PRXL2C: variants seen among roughly 807,000 people sequenced by gnomAD.
PRXL2C encodes the protein peroxiredoxin-like 2C.
In PRXL2C, 38 loss-of-function variants were observed where a neutral mutation model predicts 24.9. That is an observed-to-expected ratio of 1.53 (90% CI 1.18 to 2.00). The LOEUF is 2.00. PRXL2C is among the 30% of genes most tolerant of loss of function. PRXL2C has a pLI of 0.00. For synonymous variants in PRXL2C, 98 were observed against 117.2 expected (o/e 0.84, Z 1.06); for missense variants, 294 against 290.9 (o/e 1.01, Z -0.08).
intron 4 of PRXL2C, among the ~76,000 whole-genome samples, chr9:96,650,640 G>A (rs1428354193): frequency 6.6e-6 from 1 of 152,122 alleles, no homozygotes; most frequent in Admixed American, 6.6e-5. Flanking sequence ...AATTAAAGGA[G>A]ATGGGATATT....
At chr9:96,643,176 T>C (rs1588099628) in intron 5 of PRXL2C, among the ~76,000 whole-genome samples, 2 of 152,298 alleles carry the variant, frequency 1.3e-5, no homozygotes, top group African/African-American at 4.8e-5. Context: ...CAATCCGCCA[T>C]GGATGCTGAG....
intron 5 of PRXL2C, among the ~76,000 whole-genome samples, chr9:96,644,776 G>A (rs1239107825): frequency 1.3e-5 from 2 of 151,322 alleles, no homozygotes; most frequent in Non-Finnish European, 1.5e-5. Context: ...CACCATGCCC[G>A]GCCTCAATCC....
intron 5 of PRXL2C, among the ~76,000 whole-genome samples, chr9:96,642,829 C>T (rs1439725205): frequency 6.6e-6 from 1 of 152,140 alleles, no homozygotes; most frequent in East Asian, 1.9e-4. Flanking sequence ...AGGTGTAAGC[C>T]ACTGCACCCG....
rs142880773 is a variant in PRXL2C, at chr9:96,641,781, C to T, written c.659G>A (p.Arg220Lys). The change falls in exon 6 of 6, where the codon AGA (arginine) becomes AAA (lysine). Residue 220 changes from arginine (R) to lysine (K), a missense_variant. Physicochemically the swap from Arg to Lys is conservative, Grantham distance 26. Transcript: ENST00000375234. Reference sequence around the variant, plus strand: ...AAGTCACACATGGATAACTGAAGGTCTGTTTGTAAAGTTCACATGCTGAAC... The same window carrying T: ...AAGTCACACATGGATAACTGAAGGTTTGTTTGTAAAGTTCACATGCTGAAC... ...VGVQHVNFTN[R>K]PSVIHV The T allele has an allele frequency of 9.5e-6, 15 of 1,575,874 alleles. No homozygotes were observed. The highest frequency in any genetic ancestry group is 1.3e-5 in the African/African-American group (1 of 74,364).
intron 1 of PRXL2C, 130 bp from the exon 2 acceptor site, chr9:96,654,903 C>T: frequency 8.3e-7 from 1 of 1,198,262 alleles, no homozygotes; most frequent in Non-Finnish European, 1.1e-6. Flanking sequence ...GCGGCTCGGG[C>T]GCCCGGCGCG....
chr9:96,652,830 G>C (rs1017513575), intron 2 of PRXL2C, among the ~76,000 whole-genome samples: 1 of 152,234 alleles, frequency 6.6e-6, no homozygotes, highest in South Asian at 2.1e-4. Context: ...AATGAAATCA[G>C]TATGTTGAAG....
chr9:96,648,549 G>C (rs1409663180), intron 4 of PRXL2C, among the ~76,000 whole-genome samples: 2 of 151,316 alleles, frequency 1.3e-5, no homozygotes, highest in Non-Finnish European at 2.9e-5. Context: ...TTTTTTTTAG[G>C]GAGAAACCTC....
chr9:96,650,612 G>A (rs1848253388), intron 4 of PRXL2C, among the ~76,000 whole-genome samples: 1 of 152,046 alleles, frequency 6.6e-6, no homozygotes. Context: ...GATTTCAAAC[G>A]ATAAGTGGGA....
intron 1 of PRXL2C, 129 bp from the exon 2 acceptor site, chr9:96,654,902 G>A: frequency 8.4e-7 from 1 of 1,192,154 alleles, no homozygotes; most frequent in Non-Finnish European, 1.1e-6. Context: ...GGCGGCTCGG[G>A]CGCCCGGCGC....
chr9:96,645,494 A>G (rs1398694040), intron 5 of PRXL2C, among the ~76,000 whole-genome samples: 1 of 152,014 alleles, frequency 6.6e-6, no homozygotes, highest in Middle Eastern at 3.2e-3. Context: ...TGTCTGCTTT[A>G]TGAAGAAAAT....
chr9:96,647,822 C>T (rs1848216465), intron 4 of PRXL2C, among the ~76,000 whole-genome samples: 3 of 152,112 alleles, frequency 2.0e-5, no homozygotes, highest in South Asian at 4.1e-4. Flanking sequence ...GCCACCATGC[C>T]TGGCCTTGAA....
intron 5 of PRXL2C, among the ~76,000 whole-genome samples, chr9:96,643,579 T>C (rs1848148782): frequency 6.6e-6 from 1 of 152,058 alleles, no homozygotes; most frequent in South Asian, 2.1e-4. Flanking sequence ...ACAGAAGATG[T>C]GGACAAATGA....
Position 96,651,410 on chromosome 9 carries a change from C to T in PRXL2C, c.401G>A (p.Gly134Asp), listed in dbSNP as rs558722582. Residue 134 changes from glycine (G) to aspartate (D), a missense_variant, in exon 4 of 6, where the codon GGT becomes GAT. Gly to Asp is a moderately conservative substitution (Grantham distance 94). Coordinates refer to ENST00000375234, the MANE Select transcript of PRXL2C (RefSeq NM_153698.2). Reference sequence around the variant, plus strand: ...CTTACCTGAGGAAGCAATTTCTTCACCTCTTTTCATTCCCAATCTTTTATA... The same window carrying T: ...CTTACCTGAGGAAGCAATTTCTTCATCTCTTTTCATTCCCAATCTTTTATA... ...EIYKRLGMKR[G>D]EEIASSGQSP... The T allele has an allele frequency of 1.2e-6, 2 of 1,612,002 alleles. No individual in the cohort carries two copies. Among genetic ancestry groups the T allele is most frequent in the South Asian group, 1.1e-5 (1 of 90,694 alleles).
rs1323846410 is a variant in PRXL2C, at chr9:96,640,635, G to A, written c.*1124C>T. 6.7e-6 allele frequency: 1 copy of A among 149,788 alleles called. No individual in the cohort carries two copies. The highest frequency in any genetic ancestry group is 2.5e-5 in the African/African-American group (1 of 40,432). The allele number at this position is 149,788 out of a possible 1,614,324, so 9.3% of individuals were successfully genotyped here. ...GAGGTCAGGAGGTCAAGACCATCCTGGCTGTTATAACACAGTGAAACCCCG... is the reference window on the plus strand; with the variant it reads ...GAGGTCAGGAGGTCAAGACCATCCTAGCTGTTATAACACAGTGAAACCCCG... On this transcript the variant is annotated 3_prime_UTR_variant, in exon 6 of 6. Coordinates refer to ENST00000375234, the MANE Select transcript of PRXL2C (RefSeq NM_153698.2).
Position 96,645,405 on chromosome 9 carries a change from A to G in PRXL2C, c.553+488T>C, listed in dbSNP as rs116636903. Among the ~76,000 whole-genome samples the G allele has an allele frequency of 4.0e-3, 616 of 152,162 alleles. 3 individuals are homozygous for G. The highest frequency in any genetic ancestry group is 0.014 in the African/African-American group (589 of 41,532). On this transcript the variant is annotated intron_variant, in intron 5 of 5. Transcript: ENST00000375234. Reference sequence around the variant, plus strand: ...ATACATAAACATCAAAATATACAGAAGCCTTTGAAAACAAAAGATGCCCCC... The same window carrying G: ...ATACATAAACATCAAAATATACAGAGGCCTTTGAAAACAAAAGATGCCCCC...
intron 4 of PRXL2C, among the ~76,000 whole-genome samples, chr9:96,650,927 C>T: frequency 6.6e-6 from 1 of 152,160 alleles, no homozygotes; most frequent in Non-Finnish European, 1.5e-5. Flanking sequence ...TAACAGCCTT[C>T]CATGTCATTA....
intron 5 of PRXL2C, among the ~76,000 whole-genome samples, chr9:96,644,690 G>A (rs1848166938): frequency 6.7e-6 from 1 of 150,072 alleles, no homozygotes; most frequent in African/African-American, 2.5e-5. Context: ...TTTCACCAAG[G>A]GCTGGTCTGG....
rs754261936 is a variant in PRXL2C at position 96,651,614 on chromosome 9, G to C, written c.315+45C>G. On this transcript the variant is annotated intron_variant, in intron 3 of 5. Transcript: ENST00000375234. ...TTTAAATAATGTAATTTTTATGTCT[G>C]AAACAGATTTTATTCATTAGTCTCC... The C allele has an allele frequency of 7.0e-6, 11 of 1,573,870 alleles. No homozygotes were observed. The South Asian group carries it at 1.3e-4, about 18-fold the overall frequency.
chr9:96,647,777 C>T (rs1016971698), intron 4 of PRXL2C, among the ~76,000 whole-genome samples: 6 of 152,242 alleles, frequency 3.9e-5, no homozygotes, highest in African/African-American at 1.4e-4. Context: ...ATCCTCCCAC[C>T]TCCGCCTCCC....
Sources: gnomAD v4.1 joint callset for allele counts (sites outside exome capture counted in the v4.1 genomes callset) on GRCh38, gnomAD v4.1.1 for gene constraint, MANE v1.5 for transcripts, NCBI Gene and HGNC (gene_info 2026-07-23, HGNC 2026-07-21) for gene names.